PTPRD: variants seen among roughly 807,000 people sequenced by gnomAD.
PTPRD encodes the protein protein tyrosine phosphatase receptor type D, also known as receptor-type tyrosine-protein phosphatase delta.
PTPRD carries 34 observed loss-of-function variants against 214.5 expected under a neutral mutation model. That is an observed-to-expected ratio of 0.16 (90% confidence interval 0.12 to 0.21). PTPRD has a LOEUF of 0.21. Ranked by LOEUF, PTPRD falls within the 10% of genes least tolerant of loss-of-function variation. The pLI is 1.00. For missense variants in PTPRD, 2,545 were observed against 2,398.7 expected (o/e 1.06, Z -1.27); for synonymous variants, 1,128 against 845.7 (o/e 1.33, Z -5.79).
At chr9:9,650,410 T>G (rs567767503) in intron 7 of PTPRD, among the ~76,000 whole-genome samples, 108 of 152,346 alleles carry the variant, frequency 7.1e-4, no homozygotes, top group African/African-American at 2.6e-3. Context: ...CTTGTTTCCC[T>G]ACTTGATTAT....
In PTPRD at chr9:8,649,326, C is replaced by T. The variant is rs140809764; in HGVS notation, c.65-12482G>A. 4.9e-4 allele frequency among the ~76,000 whole-genome samples: 74 copies of T among 152,320 alleles called. No individual in the cohort carries two copies. In the Middle Eastern group the frequency reaches 0.01, roughly 21 times the overall value. On this transcript the variant is annotated intron_variant, in intron 12 of 45. Coordinates refer to ENST00000381196, the MANE Select transcript of PTPRD (RefSeq NM_002839.4). ...ATGAATTTTTGTAACGCTTGCCTTCCAACCAAAGTGAGTTATTACCACAAC... is the reference window on the plus strand; with the variant it reads ...ATGAATTTTTGTAACGCTTGCCTTCTAACCAAAGTGAGTTATTACCACAAC...
chr9:8,865,356 G>C (rs2098177971), intron 11 of PTPRD, among the ~76,000 whole-genome samples: 1 of 152,052 alleles, frequency 6.6e-6, no homozygotes, highest in Non-Finnish European at 1.5e-5. Context: ...TGTCTGATTG[G>C]AACCCAGAGC....
chr9:9,941,002 C>T (rs2091302419), intron 4 of PTPRD, among the ~76,000 whole-genome samples: 1 of 151,596 alleles, frequency 6.6e-6, no homozygotes, highest in African/African-American at 2.4e-5. Flanking sequence ...CTGGGCCACA[C>T]CAGAAAAAAA....
At chr9:8,631,925 T>C (rs1316416010) in intron 14 of PTPRD, among the ~76,000 whole-genome samples, 1 of 151,934 alleles carries the variant, frequency 6.6e-6, no homozygotes, top group African/African-American at 2.4e-5. Context: ...CCAACCTAGC[T>C]TGTCATAACA....
At chr9:9,537,247 A>C (rs1472163726) in intron 8 of PTPRD, among the ~76,000 whole-genome samples, 1 of 151,762 alleles carries the variant, frequency 6.6e-6, no homozygotes, top group East Asian at 1.9e-4. Context: ...CATTTTTTTT[A>C]TTTTTATAGA....
At chr9:9,471,537 T>C (rs529839727) in intron 8 of PTPRD, among the ~76,000 whole-genome samples, 1 of 152,186 alleles carries the variant, frequency 6.6e-6, no homozygotes, top group Non-Finnish European at 1.5e-5. Context: ...ATTGCTTAAA[T>C]AGAAGTGAGT....
Position 9,607,932 on chromosome 9 carries a change from C to T in PTPRD, c.-286-33151G>A, listed in dbSNP as rs557072540. On this transcript the variant is annotated intron_variant, in intron 7 of 45. Coordinates refer to ENST00000381196, the MANE Select transcript of PTPRD (RefSeq NM_002839.4). ...CTCAGTCAAATACACCCAGCAGATC[C>T]TGCATTCGGATAAAGGGCAGCTTGG... Among the ~76,000 whole-genome samples, 8 of 152,132 alleles carry T rather than the reference C, an allele frequency of 5.3e-5. No homozygotes were observed. In the South Asian group the frequency reaches 1.7e-3, roughly 32 times the overall value.
At chr9:9,264,239 A>G (rs530767030) in intron 9 of PTPRD, among the ~76,000 whole-genome samples, 30 of 151,784 alleles carry the variant, frequency 2.0e-4, no homozygotes, top group Admixed American at 1.7e-3. Context: ...CTGCTCAACA[A>G]TTCAAAATAA....
Position 9,586,232 on chromosome 9 carries a change from C to T in PTPRD, c.-286-11451G>A, listed in dbSNP as rs145898746. Among the ~76,000 whole-genome samples the T allele has an allele frequency of 5.3e-5, 8 of 152,110 alleles. 1 individual carries two copies. Among genetic ancestry groups the T allele is most frequent in the African/African-American group, 7.2e-5 (3 of 41,522 alleles). Reference sequence around the variant, plus strand: ...ATTACAGGGCCATCCCTCAACACAGCCAGTAGTTTTGCTGTAGACCTCATT... The same window carrying T: ...ATTACAGGGCCATCCCTCAACACAGTCAGTAGTTTTGCTGTAGACCTCATT... On this transcript the variant is annotated intron_variant, in intron 7 of 45. Transcript: ENST00000381196.
At chr9:8,976,558 C>T (rs897350529) in intron 11 of PTPRD, among the ~76,000 whole-genome samples, 5 of 152,098 alleles carry the variant, frequency 3.3e-5, no homozygotes, top group African/African-American at 9.7e-5. Flanking sequence ...TGGACTACAT[C>T]AAGTATTTCC....
chr9:9,363,519 C>G (rs1055439181), intron 9 of PTPRD, among the ~76,000 whole-genome samples: 10 of 151,322 alleles, frequency 6.6e-5, no homozygotes, highest in African/African-American at 2.4e-4. Context: ...TCATAAATTG[C>G]TAGAACATTG....
intron 11 of PTPRD, among the ~76,000 whole-genome samples, chr9:8,850,065 G>T (rs1220979089): frequency 7.2e-5 from 11 of 152,084 alleles, no homozygotes; most frequent in Admixed American, 7.2e-4. Flanking sequence ...TGACACCAAG[G>T]TTTCTGATCA....
intron 44 of PTPRD, among the ~76,000 whole-genome samples, chr9:8,321,333 A>G (rs1827226168): frequency 6.6e-6 from 1 of 151,574 alleles, no homozygotes; most frequent in Admixed American, 6.6e-5. Context: ...TTTTCAAAAA[A>G]AGAACAGACA....
chr9:9,602,540 A>C (rs117626268), intron 7 of PTPRD, among the ~76,000 whole-genome samples: 1 of 152,220 alleles, frequency 6.6e-6, no homozygotes, highest in Non-Finnish European at 1.5e-5. Flanking sequence ...CTGTCTCAAA[A>C]GATTGTTACA....
chr9:9,573,145 G>C (rs933592863), intron 8 of PTPRD, among the ~76,000 whole-genome samples: 1 of 151,624 alleles, frequency 6.6e-6, no homozygotes, highest in Non-Finnish European at 1.5e-5. Flanking sequence ...TCTATTCACA[G>C]AGTTGAATAC....
At chr9:10,535,053 G>A (rs1489964535) in intron 2 of PTPRD, among the ~76,000 whole-genome samples, 3 of 152,156 alleles carry the variant, frequency 2.0e-5, no homozygotes, top group Non-Finnish European at 4.4e-5. Flanking sequence ...TTACAGCTGG[G>A]GGATGGCAGG....
intron 10 of PTPRD, among the ~76,000 whole-genome samples, chr9:9,128,901 G>A (rs993589071): frequency 1.3e-5 from 2 of 152,180 alleles, no homozygotes; most frequent in African/African-American, 2.4e-5. Flanking sequence ...CTAAACAAAT[G>A]TTAAATGTAA....
chr9:10,557,974 T>G (rs2063001988), intron 2 of PTPRD, among the ~76,000 whole-genome samples: 1 of 152,158 alleles, frequency 6.6e-6, no homozygotes, highest in South Asian at 2.1e-4. Flanking sequence ...ACACATGTGC[T>G]CTGTTGGAAT....
chr9:10,301,079 A>C (rs1047053906), intron 3 of PTPRD, among the ~76,000 whole-genome samples: 6 of 152,142 alleles, frequency 3.9e-5, no homozygotes, highest in Admixed American at 1.3e-4. Flanking sequence ...AACAGGAAGC[A>C]ATCTTTGCTG....
Sources: gnomAD v4.1 joint callset for allele counts (sites outside exome capture counted in the v4.1 genomes callset) on GRCh38, gnomAD v4.1.1 for gene constraint, MANE v1.5 for transcripts, NCBI Gene and HGNC (gene_info 2026-07-23, HGNC 2026-07-21) for gene names.